The following CPQ variants were observed in gnomAD, a reference collection of about 807,000 sequenced individuals.
CPQ encodes the protein carboxypeptidase Q, also known as Ser-Met dipeptidase.
A neutral mutation model predicts 45.7 loss-of-function variants in CPQ; 37 were observed. That is an observed-to-expected ratio of 0.81 (90% confidence interval 0.62 to 1.07). The LOEUF (loss-of-function observed/expected upper bound fraction) is 1.07, where lower values mean the gene tolerates loss of function less well. CPQ is among the 50% of genes least tolerant of loss of function. The probability of loss-of-function intolerance (pLI) is 0.00; values close to 1 mark genes in which losing one functional copy is unlikely to be tolerated. For synonymous variants in CPQ, 186 were observed against 205.8 expected (o/e 0.90, Z 0.82); for missense variants, 537 against 572.9 (o/e 0.94, Z 0.64).
intron 3 of CPQ, among the ~76,000 whole-genome samples, chr8:96,854,394 A>G (rs3926984): frequency 0.039 from 5,818 of 148,734 alleles, 189 homozygotes; most frequent in African/African-American, 0.081. Context: ...AGCAGGGCGT[A>G]GTGGCGGGCG....
chr8:96,949,140 G>T (rs565151747), intron 4 of CPQ, among the ~76,000 whole-genome samples: 1 of 152,048 alleles, frequency 6.6e-6, no homozygotes, highest in East Asian at 1.9e-4. Context: ...AAAATTCAGT[G>T]TAATAATTGG....
chr8:96,662,338 G>A (rs1586349133), intron 1 of CPQ, among the ~76,000 whole-genome samples: 1 of 152,108 alleles, frequency 6.6e-6, no homozygotes, highest in East Asian at 1.9e-4. Flanking sequence ...TCTTGATGAA[G>A]ATATGTGATA....
intron 1 of CPQ, among the ~76,000 whole-genome samples, chr8:96,682,248 G>C (rs900944276): frequency 3.3e-5 from 5 of 152,148 alleles, no homozygotes. Context: ...GGACCCAGTG[G>C]GAGGTAATTG....
At chr8:97,072,738 G>T (rs1236729614) in intron 7 of CPQ, among the ~76,000 whole-genome samples, 1 of 152,104 alleles carries the variant, frequency 6.6e-6, no homozygotes, top group African/African-American at 2.4e-5. Flanking sequence ...TCATGATGCA[G>T]CTCCTTGTTC....
intron 5 of CPQ, among the ~76,000 whole-genome samples, chr8:97,004,784 TA>T (rs1474337294): frequency 6.6e-6 from 1 of 152,088 alleles, no homozygotes; most frequent in African/African-American, 2.4e-5. Flanking sequence ...ATGAAGAATA[TA>T]CATATGTAAT....
At chr8:96,808,011 CA>C (rs1270829687) in intron 2 of CPQ, among the ~76,000 whole-genome samples, 1 of 152,194 alleles carries the variant, frequency 6.6e-6, no homozygotes, top group Admixed American at 6.5e-5. Context: ...TGGCCTTGGA[CA>C]AAGCTGGGAT....
At chr8:97,098,746 T>G (rs1811251627) in intron 7 of CPQ, among the ~76,000 whole-genome samples, 1 of 152,080 alleles carries the variant, frequency 6.6e-6, no homozygotes, top group Non-Finnish European at 1.5e-5. Flanking sequence ...TCTCCAGTAT[T>G]GAGAAAAATT....
At position 96,796,336 on chromosome 8, in the gene CPQ, T is replaced by C. The variant is rs141723007; in HGVS notation, c.433+11006T>C. On this transcript the variant is annotated intron_variant, in intron 2 of 7. Transcript: ENST00000220763. Reference sequence around the variant, plus strand: ...GCATATCTCTTGCCTATTTTTCTACTGGTGCTTTAATGATATTCTAATTGA... The same window carrying C: ...GCATATCTCTTGCCTATTTTTCTACCGGTGCTTTAATGATATTCTAATTGA... 2.0e-4 allele frequency among the ~76,000 whole-genome samples: 30 copies of C among 152,324 alleles called. 1 individual carries two copies. In the East Asian group the frequency reaches 5.8e-3, roughly 29 times the overall value.
chr8:96,897,067 G>A (rs1284133057), intron 4 of CPQ, among the ~76,000 whole-genome samples: 1 of 152,148 alleles, frequency 6.6e-6, no homozygotes, highest in Non-Finnish European at 1.5e-5. Flanking sequence ...AATTGAGGCA[G>A]TATTATCATA....
intron 1 of CPQ, among the ~76,000 whole-genome samples, chr8:96,728,688 GC>G (rs1809873873): frequency 6.6e-6 from 1 of 152,128 alleles, no homozygotes; most frequent in East Asian, 1.9e-4. Context: ...TTTTTCTGTT[GC>G]TGAGTCAGTA....
intron 6 of CPQ, among the ~76,000 whole-genome samples, chr8:97,058,009 C>T (rs1810483666): frequency 6.6e-6 from 1 of 152,020 alleles, no homozygotes. Context: ...AGGAAAGGCC[C>T]GCCTAAGAAA....
chr8:97,010,199 GT>G (rs1440355983), intron 5 of CPQ, among the ~76,000 whole-genome samples: 7 of 152,154 alleles, frequency 4.6e-5, no homozygotes, highest in African/African-American at 1.7e-4. Context: ...AGCCTCTGTG[GT>G]CTACCTATGC....
intron 1 of CPQ, among the ~76,000 whole-genome samples, chr8:96,782,236 A>G (rs1281674725): frequency 6.6e-6 from 1 of 152,162 alleles, no homozygotes; most frequent in Non-Finnish European, 1.5e-5. Flanking sequence ...AATCTAGGTG[A>G]AGGTAGCCAT....
chr8:96,763,486 T>A (rs1342125052), intron 1 of CPQ, among the ~76,000 whole-genome samples: 1 of 152,184 alleles, frequency 6.6e-6, no homozygotes, highest in Non-Finnish European at 1.5e-5. Context: ...TCTGGATTAC[T>A]TCCATTTTAT....
intron 6 of CPQ, among the ~76,000 whole-genome samples, chr8:97,042,661 G>T (rs964070518): frequency 8.6e-5 from 13 of 151,536 alleles, no homozygotes; most frequent in African/African-American, 2.4e-4. Context: ...CTTTGGATGT[G>T]TCCCAGAGAT....
At chr8:96,821,069 A>G (rs1811298583) in intron 2 of CPQ, among the ~76,000 whole-genome samples, 2 of 140,234 alleles carry the variant, frequency 1.4e-5, no homozygotes, top group African/African-American at 5.3e-5. Context: ...CTTCTTGGCC[A>G]TTTGTATGTC....
chr8:96,980,357 T>C (rs1813871619), intron 5 of CPQ, among the ~76,000 whole-genome samples: 1 of 152,136 alleles, frequency 6.6e-6, no homozygotes. Context: ...GGTCTCAAAC[T>C]CCTGGTCTCA....
At position 97,070,897 on chromosome 8, in the gene CPQ, C is replaced by T. The variant is rs1360759836; in HGVS notation, c.1255+4687C>T. 2.0e-5 allele frequency among the ~76,000 whole-genome samples: 3 copies of T among 152,280 alleles called. No homozygotes were observed. The East Asian group carries it at 5.8e-4, about 29-fold the overall frequency. ...AGTCTATTTCATTCTGAGTATGTCA[C>T]CAATGAGGTATAATCCATGGTTCTT... On this transcript the variant is annotated intron_variant, in intron 7 of 7. Coordinates refer to ENST00000220763, the MANE Select transcript of CPQ (RefSeq NM_016134.4).
At chr8:97,138,236 C>A (rs1368471119) in intron 7 of CPQ, among the ~76,000 whole-genome samples, 1 of 152,216 alleles carries the variant, frequency 6.6e-6, no homozygotes, top group Non-Finnish European at 1.5e-5. Flanking sequence ...AGTTACCCCC[C>A]AGTGTCAACC....
Sources: allele counts gnomAD v4.1 joint callset (sites outside exome capture counted in the v4.1 genomes callset), GRCh38; gene constraint gnomAD v4.1.1; transcripts MANE v1.5; gene names NCBI Gene and HGNC (gene_info 2026-07-23, HGNC 2026-07-21).